Variants in ANKRD6 observed in about 807,000 individuals in gnomAD.
The protein encoded by ANKRD6 is ankyrin repeat domain 6.
A neutral mutation model predicts 82.3 loss-of-function variants in ANKRD6; 56 were observed. The observed-to-expected ratio is 0.68, with a 90% CI of 0.55 to 0.85. The LOEUF (loss-of-function observed/expected upper bound fraction) is 0.85. ANKRD6 is among the 40% of genes least tolerant of loss of function. The probability of loss-of-function intolerance (pLI) is 0.00; values close to 1 mark genes in which losing one functional copy is unlikely to be tolerated. For synonymous variants in ANKRD6, 347 were observed against 352.1 expected (o/e 0.99, Z 0.16); for missense variants, 852 against 907.6 (o/e 0.94, Z 0.79).
intron 9 of ANKRD6, 49 bp from the exon 10 acceptor site, chr6:89,621,873 A>G: frequency 1.3e-6 from 2 of 1,566,140 alleles, no homozygotes; most frequent in East Asian, 2.2e-5. Flanking sequence ...TCTCTCACAC[A>G]GATGCTGCGC....
At chr6:89,588,328 C>A (rs2128133750) in intron 2 of ANKRD6, among the ~76,000 whole-genome samples, 1 of 152,308 alleles carries the variant, frequency 6.6e-6, no homozygotes, top group South Asian at 2.1e-4. Context: ...AGTAATGTTA[C>A]AACTTTCTTG....
chr6:89,486,692 T>C (rs1209353052), intron 1 of ANKRD6, among the ~76,000 whole-genome samples: 2 of 152,174 alleles, frequency 1.3e-5, no homozygotes, highest in African/African-American at 4.8e-5. Flanking sequence ...TAGGCTGGTC[T>C]CAAACTCCCG....
intron 1 of ANKRD6, among the ~76,000 whole-genome samples, chr6:89,557,302 G>C (rs1198586018): frequency 6.6e-6 from 1 of 152,092 alleles, no homozygotes; most frequent in Non-Finnish European, 1.5e-5. Flanking sequence ...AAGGGAGGGG[G>C]AGCACTGAGA....
rs34963087 is a variant in ANKRD6 at position 89,498,526 on chromosome 6, AT to A, written c.-144+65160del. On this transcript the variant is annotated intron_variant, in intron 1 of 15. Coordinates refer to ENST00000339746, the MANE Select transcript of ANKRD6 (RefSeq NM_001242809.2). ...AATAGATTTCCCTTTATATATATAT[AT>A]TTTTTTTTACCTTGTTTACATTTTG... is the stretch of plus-strand genomic sequence containing the variant. 2.8e-3 allele frequency among the ~76,000 whole-genome samples: 374 copies of A among 134,188 alleles called. 1 individual carries two copies. The highest frequency in any genetic ancestry group is 0.012 in the South Asian group (57 of 4,676). The allele number at this position is 134,188 out of a possible 152,430, so 88.0% of individuals were successfully genotyped here. A position where few individuals can be genotyped will look rare whatever the true frequency, so the allele number is the denominator to read the frequency against.
intron 2 of ANKRD6, among the ~76,000 whole-genome samples, chr6:89,577,920 A>G (rs1791506974): frequency 6.6e-6 from 1 of 152,268 alleles, no homozygotes; most frequent in South Asian, 2.1e-4. Flanking sequence ...AGTTTGGTTA[A>G]GAAGAAAATT....
In ANKRD6 at chr6:89,481,964, C is replaced by T. The variant is rs562406575; in HGVS notation, c.-144+48589C>T. On this transcript the variant is annotated intron_variant, in intron 1 of 15. Transcript: ENST00000339746. ...GGGTCAAAGCACCTCTTTTGATTCT[C>T]TCATAACATAGACAGAAAGATGAGC... is the stretch of plus-strand genomic sequence containing the variant. Among the ~76,000 whole-genome samples the T allele has an allele frequency of 7.2e-4, 109 of 152,292 alleles. 2 individuals carry two copies. The highest frequency in any genetic ancestry group is 2.5e-3 in the African/African-American group (105 of 41,556).
chr6:89,603,672 A>G (rs1397874278), intron 4 of ANKRD6, among the ~76,000 whole-genome samples: 1 of 152,096 alleles, frequency 6.6e-6, no homozygotes, highest in Non-Finnish European at 1.5e-5. Flanking sequence ...TCTTTAAACT[A>G]TATTGCAGGG....
intron 1 of ANKRD6, among the ~76,000 whole-genome samples, chr6:89,454,240 G>A (rs1434808762): frequency 6.6e-6 from 1 of 152,190 alleles, no homozygotes; most frequent in African/African-American, 2.4e-5. Context: ...GCATGGTGGT[G>A]ATGCTGACAT....
intron 1 of ANKRD6, among the ~76,000 whole-genome samples, chr6:89,489,399 A>C (rs1225016817): frequency 6.6e-6 from 1 of 152,150 alleles, no homozygotes; most frequent in Non-Finnish European, 1.5e-5. Flanking sequence ...ACAGATTGAT[A>C]TATCTGTAGC....
At chr6:89,602,923 C>A in intron 3 of ANKRD6, 106 bp from the exon 4 acceptor site, 1 of 915,102 alleles carries the variant, frequency 1.1e-6, no homozygotes, top group Non-Finnish European at 1.7e-6. Flanking sequence ...CCGCTCTGCT[C>A]TGTGTGGGGA....
In ANKRD6 at chr6:89,632,197, A is replaced by C. The variant is rs1475875977; in HGVS notation, c.*1193A>C. The C allele has an allele frequency of 2.6e-5, 4 of 152,212 alleles. No individual in the cohort carries two copies. The highest frequency in any genetic ancestry group is 9.6e-5 in the African/African-American group (4 of 41,452). 9.4% of individuals were successfully genotyped at this position (152,212 alleles called of 1,614,324 possible). ...AGACACAGGAACCTAGTGACTATTG[A>C]ACGTAATTGTAATAAAATGCTGCTC... On this transcript the variant is annotated 3_prime_UTR_variant, in exon 16 of 16. Transcript: ENST00000339746.
At chr6:89,555,550 A>C (rs1026789721) in intron 1 of ANKRD6, among the ~76,000 whole-genome samples, 5 of 152,084 alleles carry the variant, frequency 3.3e-5, no homozygotes, top group African/African-American at 9.7e-5. Context: ...GGAGGTTGGA[A>C]GAGTATTAGG....
In ANKRD6 at chr6:89,631,406, A is replaced by T. The variant is rs1807364284; in HGVS notation, c.*402A>T. The T allele has an allele frequency of 6.3e-6, 1 of 157,914 alleles. No individual in the cohort carries two copies. The highest frequency in any genetic ancestry group is 2.4e-5 in the African/African-American group (1 of 41,526). 9.8% of individuals were successfully genotyped at this position (157,914 alleles called of 1,614,324 possible). Reference sequence around the variant, plus strand: ...CCCGTCTGAACTCAAGTAGTCATTCATATAAATTTGAACACACCTGCTGTG... The same window carrying T: ...CCCGTCTGAACTCAAGTAGTCATTCTTATAAATTTGAACACACCTGCTGTG... On this transcript the variant is annotated 3_prime_UTR_variant, in exon 16 of 16. Transcript: ENST00000339746.
Position 89,603,083 on chromosome 6 carries a change from G to C in ANKRD6, c.274G>C (p.Ala92Pro). 1 of 1,608,788 alleles carries C rather than the reference G, an allele frequency of 6.2e-7. No homozygotes were observed. The highest frequency in any genetic ancestry group is 8.5e-7 in the Non-Finnish European group (1 of 1,177,944). The change falls in exon 4 of 16, where the codon GCG (alanine) becomes CCG (proline). Residue 92 changes from alanine to proline, a missense_variant. Ala to Pro is a conservative substitution (Grantham distance 27). Coordinates refer to ENST00000339746, the MANE Select transcript of ANKRD6 (RefSeq NM_001242809.2). ...ATVVGNTEII[A>P]ALIHEGCALD... The stretch of plus-strand genomic sequence containing the variant: ...AGTGGTGGGGAACACGGAGATCATC[G>C]CGGCGCTCATCCACGAAGGGTGTGC...
intron 2 of ANKRD6, among the ~76,000 whole-genome samples, chr6:89,584,936 C>T (rs1008472722): frequency 3.9e-5 from 6 of 152,048 alleles, no homozygotes; most frequent in Non-Finnish European, 7.4e-5. Context: ...AGTCTCTCTT[C>T]CTCTTATAGG....
At chr6:89,483,747 A>G (rs986539540) in intron 1 of ANKRD6, among the ~76,000 whole-genome samples, 1 of 152,214 alleles carries the variant, frequency 6.6e-6, no homozygotes, top group Non-Finnish European at 1.5e-5. Context: ...GAATTATGTA[A>G]GGAGAGAAAC....
At chr6:89,443,077 T>C (rs1280843673) in intron 1 of ANKRD6, among the ~76,000 whole-genome samples, 1 of 152,204 alleles carries the variant, frequency 6.6e-6, no homozygotes, top group Non-Finnish European at 1.5e-5. Flanking sequence ...TTATCTGTCA[T>C]GTGATACTAG....
At chr6:89,624,118 A>C (rs1804700152) in intron 12 of ANKRD6, 61 bp downstream of exon 12, 1 of 1,507,868 alleles carries the variant, frequency 6.6e-7, no homozygotes, top group Admixed American at 2.2e-5. Flanking sequence ...TTTTTGTTTA[A>C]CGGCATTCCT....
intron 1 of ANKRD6, among the ~76,000 whole-genome samples, chr6:89,527,601 C>CAAAAAAAAAA (rs35855223): frequency 2.4e-4 from 11 of 45,670 alleles, no homozygotes; most frequent in African/African-American, 8.7e-4. Context: ...GACTCCGTCT[C>CAAAAAAAAAA]AAAAAAAAAA....
Sources: allele counts gnomAD v4.1 joint callset (sites outside exome capture counted in the v4.1 genomes callset), GRCh38; gene constraint gnomAD v4.1.1; transcripts MANE v1.5; gene names NCBI Gene and HGNC (gene_info 2026-07-23, HGNC 2026-07-21).